MGAT4A: variants seen among roughly 807,000 people sequenced by gnomAD.
MGAT4A encodes N-acetylglucosaminyltransferase IVa.
Under a neutral mutation model 74.1 loss-of-function variants are expected in MGAT4A, and 33 were observed. The ratio of observed to expected loss-of-function variants is 0.45; its 90% CI spans 0.34 to 0.60. The LOEUF (loss-of-function observed/expected upper bound fraction) is 0.60, where lower values mean the gene tolerates loss of function less well. Ranked by LOEUF, MGAT4A falls within the 20% of genes least tolerant of loss-of-function variation. The pLI is 0.02. For missense variants in MGAT4A, 479 were observed against 628.3 expected, an observed-to-expected ratio of 0.76 and a Z score of 2.54; for synonymous variants, 198 against 210.4, an observed-to-expected ratio of 0.94 and a Z score of 0.51.
intron 2 of MGAT4A, among the ~76,000 whole-genome samples, chr2:98,709,896 C>T (rs1458001803): frequency 6.6e-6 from 1 of 152,192 alleles, no homozygotes; most frequent in Non-Finnish European, 1.5e-5. Flanking sequence ...GAAATTCAGG[C>T]TACCCAGTTT....
chr2:98,693,844 T>A (rs1469739985), intron 2 of MGAT4A, among the ~76,000 whole-genome samples: 1 of 152,022 alleles, frequency 6.6e-6, no homozygotes, highest in Non-Finnish European at 1.5e-5. Context: ...TACAAAGGAA[T>A]ACACTCAAAA....
At chr2:98,710,849 T>A (rs1373193622) in intron 2 of MGAT4A, among the ~76,000 whole-genome samples, 1 of 152,138 alleles carries the variant, frequency 6.6e-6, no homozygotes, top group Non-Finnish European at 1.5e-5. Context: ...ATATAGAAAA[T>A]TTTGTCTATC....
chr2:98,722,656 C>T (rs368846188), intron 2 of MGAT4A, among the ~76,000 whole-genome samples: 4 of 152,036 alleles, frequency 2.6e-5, no homozygotes, highest in East Asian at 1.9e-4. Context: ...TACCAAAAAC[C>T]GACTGATTGT....
intron 2 of MGAT4A, among the ~76,000 whole-genome samples, chr2:98,698,851 A>C (rs926005811): frequency 1.3e-5 from 2 of 152,170 alleles, no homozygotes; most frequent in Non-Finnish European, 2.9e-5. Context: ...CTTCCTGTGA[A>C]GTTTTCTCTG....
At chr2:98,674,926 G>C in intron 4 of MGAT4A, 109 bp downstream of exon 4, 2 of 1,142,834 alleles carry the variant, frequency 1.8e-6, no homozygotes, top group East Asian at 4.9e-5. Context: ...CACAGATAAA[G>C]AAAGAACTTT....
intron 4 of MGAT4A, among the ~76,000 whole-genome samples, chr2:98,664,832 AC>A (rs1272805562): frequency 6.6e-6 from 1 of 152,074 alleles, no homozygotes; most frequent in Admixed American, 6.6e-5. Flanking sequence ...ATTTTTTTGC[AC>A]CATTTTCATA....
rs139425178 is a variant in MGAT4A at position 98,708,960 on chromosome 2, C to A, written c.94+17279G>T. 9.0e-3 allele frequency among the ~76,000 whole-genome samples: 1,365 copies of A among 152,300 alleles called. 14 individuals are homozygous for A. The highest frequency in any genetic ancestry group is 0.01 in the East Asian group (54 of 5,184). ...CTGTGGAGGACTCATCCAGAGAACA[C>A]GGCTCTACTGCCCTGGAGGCAGTGG... On this transcript the variant is annotated intron_variant, in intron 2 of 15. Transcript: ENST00000393487.
chr2:98,697,504 G>A (rs749838316), intron 2 of MGAT4A, among the ~76,000 whole-genome samples: 1 of 152,072 alleles, frequency 6.6e-6, no homozygotes, highest in Non-Finnish European at 1.5e-5. Flanking sequence ...AAAGGACACA[G>A]AACTATCCAC....
intron 2 of MGAT4A, among the ~76,000 whole-genome samples, chr2:98,683,855 G>A (rs1037656424): frequency 5.3e-5 from 8 of 152,174 alleles, no homozygotes; most frequent in African/African-American, 1.9e-4. Flanking sequence ...GGGGCCCATG[G>A]ACTATTGGAT....
At position 98,621,362 on chromosome 2, in the gene MGAT4A, G is replaced by C. The variant is rs904877873; in HGVS notation, c.*4204C>G. ...TAGGACTGCAGTTCCCAGCTCCTTTGCTGTTAGCCAAGGCCTCTCTCAGCT... is the reference window on the plus strand; with the variant it reads ...TAGGACTGCAGTTCCCAGCTCCTTTCCTGTTAGCCAAGGCCTCTCTCAGCT... On this transcript the variant is annotated 3_prime_UTR_variant, in exon 16 of 16. Transcript: ENST00000393487. 26 of 1,531,610 alleles carry C rather than the reference G, an allele frequency of 1.7e-5. No individual in the cohort carries two copies. Among genetic ancestry groups the C allele is most frequent in the African/African-American group, 5.6e-5 (4 of 72,030 alleles). The allele number at this position is 1,531,610 out of a possible 1,614,324, so 94.9% of individuals were successfully genotyped here.
At chr2:98,686,011 A>T (rs1268277185) in intron 2 of MGAT4A, among the ~76,000 whole-genome samples, 1 of 152,176 alleles carries the variant, frequency 6.6e-6, no homozygotes, top group African/African-American at 2.4e-5. Flanking sequence ...TTCCAGGGAC[A>T]GGGGGCGCTC....
chr2:98,625,223 C>T lies in MGAT4A; in HGVS notation c.*343G>A. Reference sequence around the variant, plus strand: ...GTAAAATAAGTGAACCTCAAAAGTACCCCCTTCATAAAATGTATGTAACAT... The same window carrying T: ...GTAAAATAAGTGAACCTCAAAAGTATCCCCTTCATAAAATGTATGTAACAT... On this transcript the variant is annotated 3_prime_UTR_variant, in exon 16 of 16. Coordinates refer to ENST00000393487, the MANE Select transcript of MGAT4A (RefSeq NM_012214.3). 1 of 888,616 alleles carries T rather than the reference C, an allele frequency of 1.1e-6. No homozygotes were observed. The highest frequency in any genetic ancestry group is 1.4e-6 in the Non-Finnish European group (1 of 737,462). 55.0% of individuals were successfully genotyped at this position (888,616 alleles called of 1,614,324 possible). A position where few individuals can be genotyped will look rare whatever the true frequency, so the allele number is the denominator to read the frequency against.
At position 98,622,364 on chromosome 2, in the gene MGAT4A, G is replaced by A; in HGVS notation, c.*3202C>T. ...ACTGAGTACTTGGAATGTCACTAGT[G>A]TGTGTGATGGCAGAACCGGGTAAAA... On this transcript the variant is annotated 3_prime_UTR_variant, in exon 16 of 16. Coordinates refer to ENST00000393487, the MANE Select transcript of MGAT4A (RefSeq NM_012214.3). The A allele has an allele frequency of 1.0e-6, 1 of 985,444 alleles. No homozygotes were observed. Among genetic ancestry groups the A allele is most frequent in the Non-Finnish European group, 1.2e-6 (1 of 829,934 alleles). The allele number at this position is 985,444 out of a possible 1,614,324, so 61.0% of individuals were successfully genotyped here.
chr2:98,701,029 T>C (rs1702350045), intron 2 of MGAT4A, among the ~76,000 whole-genome samples: 1 of 152,176 alleles, frequency 6.6e-6, no homozygotes, highest in South Asian at 2.1e-4. Flanking sequence ...AGAATACAGC[T>C]GAGTTCTCAT....
chr2:98,664,949 A>G, intron 4 of MGAT4A, among the ~76,000 whole-genome samples: 2 of 152,234 alleles, frequency 1.3e-5, no homozygotes, highest in East Asian at 3.8e-4. Flanking sequence ...TCAATACAGA[A>G]GTATTTTAAA....
At chr2:98,714,242 T>C (rs993293391) in intron 2 of MGAT4A, among the ~76,000 whole-genome samples, 2 of 152,130 alleles carry the variant, frequency 1.3e-5, no homozygotes, top group African/African-American at 4.8e-5. Flanking sequence ...ACATCCACCA[T>C]GCCCGGCTAA....
intron 14 of MGAT4A, among the ~76,000 whole-genome samples, chr2:98,630,733 G>A (rs1045659385): frequency 2.0e-5 from 3 of 152,154 alleles, no homozygotes; most frequent in African/African-American, 4.8e-5. Flanking sequence ...TGTTATTTAT[G>A]CATACAATAC....
intron 2 of MGAT4A, among the ~76,000 whole-genome samples, chr2:98,679,723 CAA>C (rs1167944769): frequency 6.6e-6 from 1 of 151,964 alleles, no homozygotes; most frequent in Non-Finnish European, 1.5e-5. Context: ...AATCACGCGT[CAA>C]AAAAACCTGG....
chr2:98,629,474 T>A (rs926250694), intron 14 of MGAT4A, among the ~76,000 whole-genome samples: 8 of 152,196 alleles, frequency 5.3e-5, no homozygotes, highest in Non-Finnish European at 1.2e-4. Flanking sequence ...ATCTTAAAAA[T>A]ATTGCAAAAC....
Sources: allele counts gnomAD v4.1 joint callset (sites outside exome capture counted in the v4.1 genomes callset), GRCh38; gene constraint gnomAD v4.1.1; transcripts MANE v1.5; gene names NCBI Gene and HGNC (gene_info 2026-07-23, HGNC 2026-07-21).